The following CEP120 variants were observed in gnomAD, a reference collection of about 807,000 sequenced individuals.
CEP120 encodes the protein centrosomal protein of 120 kDa.
CEP120 carries 113 observed loss-of-function variants against 126.5 expected under a neutral mutation model. The observed-to-expected ratio is 0.89, with a 90% CI of 0.77 to 1.04. CEP120 has a LOEUF of 1.04. Among genes scored for constraint, CEP120 ranks in the 50% least tolerant of loss-of-function variants. The pLI is 0.00. For missense variants in CEP120, 1,230 were observed against 1,155.7 expected (o/e 1.06, Z -0.93); for synonymous variants, 400 against 394.3 (o/e 1.01, Z -0.17).
intron 18 of CEP120, among the ~76,000 whole-genome samples, chr5:123,362,790 C>T (rs878877225): frequency 6.6e-6 from 1 of 151,776 alleles, no homozygotes; most frequent in Middle Eastern, 3.4e-3. Flanking sequence ...CTGCAAAGGA[C>T]TCCTTTATGT....
At chr5:123,401,762 G>A in intron 4 of CEP120, 2 of 1,231,106 alleles carry the variant, frequency 1.6e-6, no homozygotes, top group Non-Finnish European at 2.4e-6. Flanking sequence ...TCTTGATGAG[G>A]ACAAATTCAT....
At chr5:123,363,039 A>G (rs1274952411) in intron 18 of CEP120, among the ~76,000 whole-genome samples, 1 of 151,606 alleles carries the variant, frequency 6.6e-6, no homozygotes, top group Non-Finnish European at 1.5e-5. Flanking sequence ...CTTAAGTTCC[A>G]GCCCTTATTA....
At chr5:123,402,140 G>A in intron 4 of CEP120, 1 of 1,585,070 alleles carries the variant, frequency 6.3e-7, no homozygotes, top group Non-Finnish European at 8.7e-7. Flanking sequence ...GGCTCTGGTT[G>A]ACTGTGACCG....
At chr5:123,367,392 T>C (rs944910954) in intron 17 of CEP120, among the ~76,000 whole-genome samples, 1 of 151,846 alleles carries the variant, frequency 6.6e-6, no homozygotes, top group Non-Finnish European at 1.5e-5. Flanking sequence ...AAGTCCCAAT[T>C]ATTGAAGCTA....
chr5:123,360,938 C>A (rs1311667032), intron 18 of CEP120, among the ~76,000 whole-genome samples: 1 of 151,712 alleles, frequency 6.6e-6, no homozygotes, highest in East Asian at 1.9e-4. Context: ...AGAATGTAAT[C>A]TATAATATAC....
intron 18 of CEP120, among the ~76,000 whole-genome samples, chr5:123,351,012 A>C (rs181749600): frequency 6.6e-6 from 1 of 152,306 alleles, no homozygotes; most frequent in African/African-American, 2.4e-5. Flanking sequence ...AGAATCCCAA[A>C]GTGGGAGACC....
In CEP120 at chr5:123,386,677, A is replaced by T. The variant is rs892443908; in HGVS notation, c.1431-10T>A. On this transcript the variant is annotated splice_polypyrimidine_tract_variant and intron_variant, in intron 9 of 19. Coordinates refer to ENST00000306467, the MANE Select transcript of CEP120 (RefSeq NM_001375405.1). ...GAATGGATATGAGTACCTAGAATTTAAAAAAAAAAAAAAAAAAAAAAGCCT... is the reference window on the plus strand; with the variant it reads ...GAATGGATATGAGTACCTAGAATTTTAAAAAAAAAAAAAAAAAAAAAGCCT... 11 of 202,872 alleles carry T rather than the reference A, an allele frequency of 5.4e-5. No homozygotes were observed. The highest frequency in any genetic ancestry group is 2.0e-4 in the East Asian group (1 of 5,086). The allele number at this position is 202,872 out of a possible 1,614,324, so 12.6% of individuals were successfully genotyped here. A position where few individuals can be genotyped will look rare whatever the true frequency, so the allele number is the denominator to read the frequency against.
rs1282663930 is a variant in CEP120 at position 123,412,520 on chromosome 5, C to T, written c.342G>A (p.Leu114=). 2 of 1,600,924 alleles carry T rather than the reference C, an allele frequency of 1.2e-6. No individual in the cohort carries two copies. Among genetic ancestry groups the T allele is most frequent in the East Asian group, 2.2e-5 (1 of 44,484 alleles). Residue 114 remains leucine, a synonymous_variant, in exon 4 of 20, where the codon TTG becomes TTA. Coordinates refer to ENST00000306467, the MANE Select transcript of CEP120 (RefSeq NM_001375405.1). The part of the protein sequence containing the change: ...ETKQAPKWYQ[L]LSNKYTKFKS... The stretch of plus-strand genomic sequence containing the variant: ...TGAATTTGGTGTATTTATTACTCAG[C>T]AACTGGTACCATTTTGGTGCCTAGA...
intron 19 of CEP120, among the ~76,000 whole-genome samples, chr5:123,349,319 T>A (rs1328453466): frequency 1.3e-5 from 2 of 151,990 alleles, no homozygotes; most frequent in African/African-American, 2.4e-5. Flanking sequence ...ATGGTGAAAA[T>A]ATCTTCCTCA....
Position 123,418,497 on chromosome 5 carries a change from C to T in CEP120, c.68G>A (p.Arg23His), listed in dbSNP as rs1774511370. 3 of 1,603,514 alleles carry T rather than the reference C, an allele frequency of 1.9e-6. No individual in the cohort carries two copies. Among genetic ancestry groups the T allele is most frequent in the Non-Finnish European group, 2.6e-6 (3 of 1,173,800 alleles). Residue 23 changes from arginine (R) to histidine (H), a missense_variant, in exon 2 of 20, where the codon CGT (arginine) becomes CAT (histidine). Transcript: ENST00000306467. ...SILEGRHFPK[R>H]PKHMLVVEAK... ...TTCCACTACAAGCATATGCTTTGGA[C>T]GTTTGGGGAAATGCCGACCTGGAGA...
chr5:123,364,787 T>C (rs990867019), intron 17 of CEP120, among the ~76,000 whole-genome samples, 193 bp from the exon 18 acceptor site: 4 of 151,670 alleles, frequency 2.6e-5, no homozygotes, highest in African/African-American at 9.7e-5. Context: ...AATATAGTCT[T>C]ATTTTTATTG....
chr5:123,379,892 A>G (rs1317521120), intron 14 of CEP120, among the ~76,000 whole-genome samples: 1 of 152,128 alleles, frequency 6.6e-6, no homozygotes, highest in East Asian at 1.9e-4. Flanking sequence ...AAGTGAAAGC[A>G]TGATCTTATC....
intron 17 of CEP120, among the ~76,000 whole-genome samples, chr5:123,371,364 A>G (rs1232227344): frequency 6.6e-6 from 1 of 152,058 alleles, no homozygotes; most frequent in Non-Finnish European, 1.5e-5. Context: ...GCAGGCAAAG[A>G]GAGAGCTGGT....
At position 123,416,057 on chromosome 5, in the gene CEP120, T is replaced by C. The variant is rs1190094676; in HGVS notation, c.274A>G (p.Ile92Val). The part of the protein sequence containing the change: ...LDPVTSAKET[I>V]GYIVLDLRTA... ...CTTAAATCCAGAACGATGTAACCTA[T>C]GGTTTCCTTGGCTGAAGTTACAGGA... The change falls in exon 3 of 20, where the codon ATA (isoleucine) becomes GTA (valine). Residue 92 changes from isoleucine (I) to valine (V), a missense_variant. By Grantham distance (29) the Ile-to-Val change is conservative. Coordinates refer to ENST00000306467, the MANE Select transcript of CEP120 (RefSeq NM_001375405.1). 1.2e-6 allele frequency: 2 copies of C among 1,614,042 alleles called. No individual in the cohort carries two copies. Among genetic ancestry groups the C allele is most frequent in the Non-Finnish European group, 1.7e-6 (2 of 1,179,996 alleles).
chr5:123,384,900 A>G, intron 11 of CEP120, 51 bp downstream of exon 11: 1 of 1,471,978 alleles, frequency 6.8e-7, no homozygotes, highest in Non-Finnish European at 9.2e-7. Context: ...AATCAAAATC[A>G]TTCCATGAAT....
rs576518648 is a variant in CEP120, at chr5:123,398,148, ATTTTTG to A, written c.612+982_612+987del. ...TGTACAGTTATAAACCATATTATCT[ATTTTTG>A]TAAGTATTAATTCATTTCAGCTACT... On this transcript the variant is annotated intron_variant, in intron 5 of 19. Coordinates refer to ENST00000306467, the MANE Select transcript of CEP120 (RefSeq NM_001375405.1). 2.8e-4 allele frequency among the ~76,000 whole-genome samples: 43 copies of A among 152,290 alleles called. No homozygotes were observed. The South Asian group carries it at 8.7e-3, about 31-fold the overall frequency.
chr5:123,382,289 C>T, intron 13 of CEP120, 89 bp from the exon 14 acceptor site: 1 of 412,220 alleles, frequency 2.4e-6, no homozygotes, highest in Non-Finnish European at 4.3e-6. Flanking sequence ...CGATGCTGAT[C>T]ACTAATATGA....
intron 16 of CEP120, among the ~76,000 whole-genome samples, chr5:123,376,511 A>G (rs1450465064): frequency 6.6e-6 from 1 of 152,080 alleles, no homozygotes; most frequent in African/African-American, 2.4e-5. Flanking sequence ...CAACAAGACA[A>G]TGCTGAAAGG....
At chr5:123,403,500 G>A (rs1444520714) in intron 4 of CEP120, among the ~76,000 whole-genome samples, 1 of 152,100 alleles carries the variant, frequency 6.6e-6, no homozygotes, top group Non-Finnish European at 1.5e-5. Flanking sequence ...AATTCACACT[G>A]ATATAAATAA....
Sources: allele counts gnomAD v4.1 joint callset (sites outside exome capture counted in the v4.1 genomes callset), GRCh38; gene constraint gnomAD v4.1.1; transcripts MANE v1.5; gene names NCBI Gene and HGNC (gene_info 2026-07-23, HGNC 2026-07-21).